TTC6: variants seen among roughly 807,000 people sequenced by gnomAD.
TTC6 encodes tetratricopeptide repeat domain 6.
TTC6 carries 172 observed loss-of-function variants against 210.4 expected under a neutral mutation model. The observed-to-expected ratio is 0.82, with a 90% CI of 0.72 to 0.93. The LOEUF (loss-of-function observed/expected upper bound fraction) is 0.93. Ranked by LOEUF, TTC6 falls within the 40% of genes least tolerant of loss-of-function variation. The pLI is 0.00. For synonymous variants in TTC6, 804 were observed against 819.6 expected (o/e 0.98, Z 0.32); for missense variants, 2,414 against 2,318.1 (o/e 1.04, Z -0.85).
intron 1 of TTC6, among the ~76,000 whole-genome samples, chr14:37,673,263 A>C (rs1238326542): frequency 6.6e-6 from 1 of 152,122 alleles, no homozygotes; most frequent in Non-Finnish European, 1.5e-5. Flanking sequence ...CAGTGCCATC[A>C]GGGTTTTGCC....
chr14:37,603,392 G>C (rs1429459178), intron 1 of TTC6, among the ~76,000 whole-genome samples: 2 of 152,232 alleles, frequency 1.3e-5, no homozygotes, highest in African/African-American at 4.8e-5. Flanking sequence ...AGGAACCCGT[G>C]TGAACCTAAG....
exon 27 of TTC6, chr14:37,823,882 G>A (rs747303918): frequency 8.1e-6 from 13 of 1,613,972 alleles, no homozygotes; most frequent in Non-Finnish European, 1.1e-5. Context: ...AGCAAGCACA[G>A]AAAGACTTTC....
chr14:37,826,486 T>C, intron 28 of TTC6, 139 bp downstream of exon 30: 2 of 807,640 alleles, frequency 2.5e-6, no homozygotes, highest in Non-Finnish European at 3.5e-6. Flanking sequence ...TTAACCCAAG[T>C]GATCCCTAGG....
chr14:37,619,276 AGATATGAT>A (rs1843239450), upstream of TTC6, among the ~76,000 whole-genome samples: 1 of 152,194 alleles, frequency 6.6e-6, no homozygotes. Flanking sequence ...ATTGATTCCC[AGATATGAT>A]GAGCTCTTCG....
At chr14:37,790,348 T>A (rs1006632462) in intron 15 of TTC6, among the ~76,000 whole-genome samples, 2 of 152,148 alleles carry the variant, frequency 1.3e-5, no homozygotes, top group Admixed American at 1.3e-4. Context: ...CCCTTCTGAC[T>A]GGAGTTGGAT....
At chr14:37,704,281 C>A (rs961672458) in intron 5 of TTC6, among the ~76,000 whole-genome samples, 1 of 152,018 alleles carries the variant, frequency 6.6e-6, no homozygotes, top group Non-Finnish European at 1.5e-5. Context: ...TCTCGAACTC[C>A]TAGCCTTAAG....
chr14:37,703,455 ATC>A (rs1427478703), intron 5 of TTC6, among the ~76,000 whole-genome samples: 1 of 152,152 alleles, frequency 6.6e-6, no homozygotes, highest in African/African-American at 2.4e-5. Flanking sequence ...TTCAAAATAT[ATC>A]TGTCTGCTGA....
chr14:37,631,066 T>G (rs2139340701), intron 1 of TTC6, among the ~76,000 whole-genome samples: 1 of 151,938 alleles, frequency 6.6e-6, no homozygotes, highest in African/African-American at 2.4e-5. Flanking sequence ...TTTTATTCAC[T>G]TTGTCAGTCT....
chr14:37,629,433 T>G (rs895912502), intron 1 of TTC6, among the ~76,000 whole-genome samples: 4 of 152,174 alleles, frequency 2.6e-5, no homozygotes, highest in African/African-American at 7.2e-5. Flanking sequence ...ATAGGAATGC[T>G]TGTGATTTTT....
intron 14 of TTC6, among the ~76,000 whole-genome samples, chr14:37,773,605 C>T (rs1465157237): frequency 6.6e-6 from 1 of 152,100 alleles, no homozygotes; most frequent in East Asian, 1.9e-4. Context: ...TATTCTGTTC[C>T]ATTTGTTTAT....
intron 26 of TTC6, among the ~76,000 whole-genome samples, chr14:37,818,455 A>C (rs867441929): frequency 3.3e-5 from 5 of 152,070 alleles, no homozygotes; most frequent in Non-Finnish European, 7.3e-5. Context: ...AATAGTTTAT[A>C]GCTTTTTTTC....
intron 6 of TTC6, among the ~76,000 whole-genome samples, chr14:37,719,774 G>T (rs770666313): frequency 2.0e-4 from 30 of 151,870 alleles, no homozygotes; most frequent in Non-Finnish European, 3.7e-4. Flanking sequence ...GAGATCTTTG[G>T]GATTTAGGGC....
upstream of TTC6, among the ~76,000 whole-genome samples, chr14:37,617,640 T>C (rs1362561720): frequency 6.6e-6 from 1 of 152,198 alleles, no homozygotes; most frequent in East Asian, 1.9e-4. Flanking sequence ...GAGGCTTTTT[T>C]TTGGTAAATG....
chr14:37,734,299 T>A (rs2095895613), intron 7 of TTC6, among the ~76,000 whole-genome samples: 1 of 152,216 alleles, frequency 6.6e-6, no homozygotes, highest in Admixed American at 6.5e-5. Flanking sequence ...AGTTTATATA[T>A]AATTGGGATG....
chr14:37,617,048 T>C (rs1379557115), intron 2 of TTC6, among the ~76,000 whole-genome samples: 2 of 152,058 alleles, frequency 1.3e-5, no homozygotes, highest in Non-Finnish European at 2.9e-5. Context: ...GGTTAATTTT[T>C]TACTTTTTGT....
intron 20 of TTC6, chr14:37,802,059 C>G (rs544337221): frequency 6.6e-6 from 1 of 152,068 alleles, no homozygotes; most frequent in African/African-American, 2.4e-5. Flanking sequence ...GAATATTATG[C>G]AGCATAAAAA....
chr14:37,663,230 G>C (rs1452269210), intron 1 of TTC6, among the ~76,000 whole-genome samples: 2 of 151,912 alleles, frequency 1.3e-5, no homozygotes, highest in African/African-American at 4.8e-5. Context: ...GTACATTCCT[G>C]GTGAATTTTG....
At chr14:37,619,422 G>T (rs1317762654), upstream of TTC6, among the ~76,000 whole-genome samples, 1 of 152,076 alleles carries the variant, frequency 6.6e-6, no homozygotes, top group African/African-American at 2.4e-5. Context: ...TTCATGAATT[G>T]ATATGAGTCC....
intron 1 of TTC6, among the ~76,000 whole-genome samples, chr14:37,660,898 T>C (rs2095736052): frequency 6.6e-6 from 1 of 152,242 alleles, no homozygotes; most frequent in Non-Finnish European, 1.5e-5. Flanking sequence ...TGAGATGGTA[T>C]CTTATTGTGG....
Sources: allele counts gnomAD v4.1 joint callset (sites outside exome capture counted in the v4.1 genomes callset), GRCh38; gene constraint gnomAD v4.1.1; transcripts MANE v1.5; gene names NCBI Gene and HGNC (gene_info 2026-07-23, HGNC 2026-07-21).